CDK14: variants seen among roughly 807,000 people sequenced by gnomAD.
The protein encoded by CDK14 is cyclin dependent kinase 14.
Under a neutral mutation model 60.7 loss-of-function variants are expected in CDK14, and 34 were observed. The ratio of observed to expected loss-of-function variants is 0.56; its 90% CI spans 0.43 to 0.75. CDK14 has a LOEUF of 0.75. CDK14 is among the 30% of genes least tolerant of loss of function. The pLI is 0.00. For missense variants in CDK14, 482 were observed against 564.1 expected, an observed-to-expected ratio of 0.85 and a Z score of 1.47; for synonymous variants, 197 against 203.7, an observed-to-expected ratio of 0.97 and a Z score of 0.28.
At chr7:91,035,657 G>A (rs746545811) in intron 10 of CDK14, among the ~76,000 whole-genome samples, 4 of 145,262 alleles carry the variant, frequency 2.8e-5, no homozygotes, top group Non-Finnish European at 5.9e-5. Context: ...TACTGGCACA[G>A]CAATCCAGAT....
At chr7:90,897,503 G>A (rs571603930) in intron 6 of CDK14, among the ~76,000 whole-genome samples, 48 of 152,028 alleles carry the variant, frequency 3.2e-4, no homozygotes, top group African/African-American at 1.1e-3. Context: ...AGTATAATGA[G>A]CATTATTTTA....
intron 2 of CDK14, among the ~76,000 whole-genome samples, chr7:90,617,513 A>G (rs1408178717): frequency 2.0e-5 from 3 of 152,166 alleles, no homozygotes; most frequent in African/African-American, 7.2e-5. Flanking sequence ...GATTCCTGCC[A>G]TAGATCTATG....
chr7:90,750,173 CA>C lies in CDK14; in HGVS notation c.464+2399del, dbSNP rs879331646. Among the ~76,000 whole-genome samples, 786 of 151,176 alleles carry C rather than the reference CA, an allele frequency of 5.2e-3. 3 individuals are homozygous for C. The highest frequency in any genetic ancestry group is 7.0e-3 in the Non-Finnish European group (471 of 67,644). ...AAGAAAACACACACACACACACACA[CA>C]CACACACACACACACACACACACAC... is the stretch of plus-strand genomic sequence containing the variant. On this transcript the variant is annotated intron_variant, in intron 4 of 14. Transcript: ENST00000380050.
At chr7:90,820,382 A>T (rs1384662008) in intron 5 of CDK14, among the ~76,000 whole-genome samples, 1 of 152,144 alleles carries the variant, frequency 6.6e-6, no homozygotes, top group African/African-American at 2.4e-5. Flanking sequence ...CACATGTCAG[A>T]GGAGGGGCCT....
chr7:91,047,041 A>G (rs369026934), intron 11 of CDK14, among the ~76,000 whole-genome samples: 5 of 152,310 alleles, frequency 3.3e-5, no homozygotes, highest in South Asian at 2.1e-4. Context: ...AATAACTTCT[A>G]TGTTCTGAAA....
At chr7:90,782,009 G>C (rs1033321251) in intron 4 of CDK14, among the ~76,000 whole-genome samples, 1 of 152,210 alleles carries the variant, frequency 6.6e-6, no homozygotes, top group Non-Finnish European at 1.5e-5. Context: ...ACCTTGGGCA[G>C]TATGGCCATT....
At chr7:90,995,442 C>G (rs1795657403) in intron 10 of CDK14, among the ~76,000 whole-genome samples, 2 of 152,150 alleles carry the variant, frequency 1.3e-5, no homozygotes, top group Admixed American at 1.3e-4. Context: ...CATTGGAATT[C>G]CTGACCAAAG....
chr7:90,619,228 A>AT (rs1322131379), intron 2 of CDK14, among the ~76,000 whole-genome samples: 1 of 152,158 alleles, frequency 6.6e-6, no homozygotes, highest in East Asian at 1.9e-4. Context: ...AGCTAAGGCA[A>AT]TTTTTCCCTG....
At chr7:90,777,514 A>G (rs1805099369) in intron 4 of CDK14, among the ~76,000 whole-genome samples, 1 of 152,220 alleles carries the variant, frequency 6.6e-6, no homozygotes, top group African/African-American at 2.4e-5. Flanking sequence ...TTTTACAAAT[A>G]CAGATGCTAG....
chr7:90,824,498 C>G (rs1789655045), intron 5 of CDK14: 1 of 152,134 alleles, frequency 6.6e-6, no homozygotes, highest in Non-Finnish European at 1.5e-5. Flanking sequence ...ATAATTCTAC[C>G]TCTGTGTTCT....
At chr7:91,192,418 A>G (rs1802390938) in intron 14 of CDK14, among the ~76,000 whole-genome samples, 1 of 152,194 alleles carries the variant, frequency 6.6e-6, no homozygotes, top group Non-Finnish European at 1.5e-5. Context: ...CAGCTTTCTC[A>G]ACTCTAGGAC....
intron 11 of CDK14, among the ~76,000 whole-genome samples, chr7:91,054,399 C>T (rs886856334): frequency 9.2e-5 from 14 of 152,176 alleles, no homozygotes; most frequent in African/African-American, 2.9e-4. Context: ...TCAGCTATCA[C>T]CTTTGTGAAC....
intron 3 of CDK14, among the ~76,000 whole-genome samples, chr7:90,742,824 A>T (rs191678765): frequency 8.8e-4 from 133 of 151,688 alleles, no homozygotes; most frequent in African/African-American, 2.8e-3. Flanking sequence ...TTTTTTTATT[A>T]AAAAAAACCA....
intron 14 of CDK14, among the ~76,000 whole-genome samples, chr7:91,181,959 C>T (rs1802016187): frequency 6.6e-6 from 1 of 152,074 alleles, no homozygotes; most frequent in South Asian, 2.1e-4. Flanking sequence ...ATCATTGTTC[C>T]TATACCTTTT....
In CDK14 at chr7:90,928,503, G is replaced by C. The variant is rs889694522; in HGVS notation, c.826+10779G>C. Among the ~76,000 whole-genome samples the C allele has an allele frequency of 1.1e-4, 16 of 152,210 alleles. 1 individual carries two copies. Among genetic ancestry groups the C allele is most frequent in the Admixed American group, 6.5e-4 (10 of 15,290 alleles). On this transcript the variant is annotated intron_variant, in intron 8 of 14. Coordinates refer to ENST00000380050, the MANE Select transcript of CDK14 (RefSeq NM_001287135.2). ...TGGAGGTCCACTCCAGACCCTGTTT[G>C]CCTGGGTATCACCAGCGGAGGCTGC...
chr7:90,743,190 A>G (rs1230523616), intron 3 of CDK14, among the ~76,000 whole-genome samples: 1 of 152,138 alleles, frequency 6.6e-6, no homozygotes, highest in South Asian at 2.1e-4. Flanking sequence ...GCGTGGTGGT[A>G]TGGGATACAT....
chr7:90,744,808 G>T (rs1292690956), intron 3 of CDK14, among the ~76,000 whole-genome samples: 1 of 99,768 alleles, frequency 1.0e-5, no homozygotes, highest in African/African-American at 3.8e-5. Flanking sequence ...GGCTGGCCGG[G>T]CGGGGGGCTG....
chr7:90,844,577 G>A (rs1790402194), intron 5 of CDK14, among the ~76,000 whole-genome samples: 1 of 152,138 alleles, frequency 6.6e-6, no homozygotes, highest in South Asian at 2.1e-4. Context: ...TTTTCTGGCT[G>A]TGTTCATGTG....
intron 14 of CDK14, among the ~76,000 whole-genome samples, chr7:91,162,523 G>T (rs1801199796): frequency 6.6e-6 from 1 of 152,126 alleles, no homozygotes; most frequent in Admixed American, 6.5e-5. Context: ...GGAGGGAGAG[G>T]AGCCAGGCCC....
Sources: gnomAD v4.1 joint callset for allele counts (sites outside exome capture counted in the v4.1 genomes callset) on GRCh38, gnomAD v4.1.1 for gene constraint, MANE v1.5 for transcripts, NCBI Gene and HGNC (gene_info 2026-07-23, HGNC 2026-07-21) for gene names.